The following DGKZ variants were observed in gnomAD, a reference collection of about 807,000 sequenced individuals.
DGKZ encodes diacylglycerol kinase zeta.
A neutral mutation model predicts 142.5 loss-of-function variants in DGKZ; 45 were observed. That is an observed-to-expected ratio of 0.32 (90% CI 0.25 to 0.40). DGKZ has a LOEUF of 0.40. Ranked by LOEUF, DGKZ falls within the 10% of genes least tolerant of loss-of-function variation. DGKZ has a pLI of 1.00. For synonymous variants in DGKZ, 442 were observed against 527.0 expected (o/e 0.84, Z 2.21); for missense variants, 755 against 1,306.5 (o/e 0.58, Z 6.51).
chr11:46,378,726 C>A, intron 27 of DGKZ: 1 of 841,594 alleles, frequency 1.2e-6, no homozygotes, highest in South Asian at 1.4e-5. Flanking sequence ...CCACCTGTCC[C>A]TGGTGCTTAG....
chr11:46,352,301 C>G (rs1309921667), intron 1 of DGKZ, among the ~76,000 whole-genome samples: 1 of 152,228 alleles, frequency 6.6e-6, no homozygotes. Flanking sequence ...TGGAGCGACA[C>G]AAGGGGGCGA....
chr11:46,358,962 G>A lies in DGKZ; in HGVS notation c.162-8329G>A, dbSNP rs560736965. ...GTTTGAGAGCAGCCTGGCCAACATG[G>A]TGAAACCCCATCTCTACTAAAAATA... On this transcript the variant is annotated intron_variant, in intron 1 of 30. Transcript: ENST00000527911. 3.3e-5 allele frequency among the ~76,000 whole-genome samples: 5 copies of A among 151,826 alleles called. No homozygotes were observed. The South Asian group carries it at 1.0e-3, about 32-fold the overall frequency.
intron 1 of DGKZ, among the ~76,000 whole-genome samples, chr11:46,353,385 C>T (rs769557981): frequency 5.9e-5 from 9 of 152,230 alleles, no homozygotes; most frequent in Non-Finnish European, 1.2e-4. Context: ...AGTGAAAGGT[C>T]TTTGCCTCCG....
At chr11:46,334,064 A>G (rs752306734) in intron 1 of DGKZ, among the ~76,000 whole-genome samples, 7 of 151,276 alleles carry the variant, frequency 4.6e-5, no homozygotes, top group Admixed American at 6.6e-5. Flanking sequence ...TCTTAATTCA[A>G]CTGTCTTCTG....
At chr11:46,366,621 T>A in intron 1 of DGKZ, 1 of 1,607,206 alleles carries the variant, frequency 6.2e-7, no homozygotes, top group Non-Finnish European at 8.5e-7. Context: ...GAGGAGGGTG[T>A]CCAGGAGGAT....
At chr11:46,379,735 G>T in intron 30 of DGKZ, 96 bp from the exon 31 acceptor site, 1 of 1,372,852 alleles carries the variant, frequency 7.3e-7, no homozygotes, top group South Asian at 1.4e-5. Flanking sequence ...CTCCCTCCCT[G>T]ACCAGGCCAC....
At chr11:46,363,359 C>T (rs1942890532) in intron 1 of DGKZ, among the ~76,000 whole-genome samples, 1 of 152,220 alleles carries the variant, frequency 6.6e-6, no homozygotes, top group Non-Finnish European at 1.5e-5. Flanking sequence ...CTCAGCCACT[C>T]TGACAGCCTC....
chr11:46,347,889 T>G lies in DGKZ; in HGVS notation c.161+69T>G. The G allele has an allele frequency of 7.9e-7, 1 of 1,265,980 alleles. No homozygotes were observed. 78.4% of individuals were successfully genotyped at this position (1,265,980 alleles called of 1,614,324 possible). A position where few individuals can be genotyped will look rare whatever the true frequency, so the allele number is the denominator to read the frequency against. On this transcript the variant is annotated intron_variant, in intron 1 of 30. Coordinates refer to ENST00000527911, the Ensembl canonical transcript of DGKZ. This position sits in a 1 kb window ranked among gnomAD's most constrained non-coding sequence, Gnocchi z 6.4. Reference sequence around the variant, plus strand: ...TTACCGCTCCCTCACCGGGGGACATTCCTCGGCCACTGGGGGTCCGGGCCA... The same window carrying G: ...TTACCGCTCCCTCACCGGGGGACATGCCTCGGCCACTGGGGGTCCGGGCCA...
chr11:46,358,143 A>G (rs1239654800), intron 1 of DGKZ, among the ~76,000 whole-genome samples: 1 of 152,130 alleles, frequency 6.6e-6, no homozygotes, highest in Non-Finnish European at 1.5e-5. Context: ...TGCTGTGCTG[A>G]TGGCACAAAA....
At chr11:46,346,057 G>A (rs1940579601), upstream of DGKZ, among the ~76,000 whole-genome samples, 1 of 152,158 alleles carries the variant, frequency 6.6e-6, no homozygotes, top group African/African-American at 2.4e-5. Flanking sequence ...GGCACCAGCT[G>A]CTGGCTGGAG....
At chr11:46,337,436 C>A (rs529211021) in intron 1 of DGKZ, among the ~76,000 whole-genome samples, 1 of 151,964 alleles carries the variant, frequency 6.6e-6, no homozygotes, top group South Asian at 2.1e-4. Flanking sequence ...GCTGGGACTA[C>A]AGGCGCCCAC....
upstream of DGKZ, chr11:46,345,482 G>C (rs1940524004): frequency 6.6e-7 from 1 of 1,508,416 alleles, no homozygotes; most frequent in East Asian, 2.7e-5. This position sits in a 1 kb window ranked among gnomAD's most constrained non-coding sequence, Gnocchi z 4.1. Flanking sequence ...CCCAGTGGAG[G>C]CGCTGGGGAC....
chr11:46,370,102 C>A (rs1334239210), intron 6 of DGKZ, 93 bp downstream of exon 6: 2 of 1,505,088 alleles, frequency 1.3e-6, no homozygotes, highest in Non-Finnish European at 1.8e-6. Context: ...ACTGACCACA[C>A]CCTGGTGTGC....
chr11:46,341,599 G>C (rs888129223), intron 1 of DGKZ, among the ~76,000 whole-genome samples: 3 of 152,318 alleles, frequency 2.0e-5, no homozygotes, highest in Admixed American at 6.5e-5. Flanking sequence ...CCCAGAGAGG[G>C]TAATGACTGG....
At chr11:46,337,447 C>A (rs1339260579) in intron 1 of DGKZ, among the ~76,000 whole-genome samples, 1 of 151,914 alleles carries the variant, frequency 6.6e-6, no homozygotes. Context: ...AGGCGCCCAC[C>A]ACCACGCCGG....
intron 19 of DGKZ, 139 bp downstream of exon 19, chr11:46,375,184 G>GCTCTCAA: frequency 1.1e-6 from 1 of 897,862 alleles, no homozygotes; most frequent in Non-Finnish European, 1.6e-6. Flanking sequence ...GCTTGAGAGC[G>GCTCTCAA]GCACCTACCC....
At position 46,372,505 on chromosome 11, in the gene DGKZ, G is replaced by A. The variant is rs770336984; in HGVS notation, c.1005G>A (p.Lys335=). Reference sequence around the variant, plus strand: ...TCGACCTGAGCCAGGGAGGGCCCAAGGAGGCGTAAGTACTTGCCAAGGTTT... The same window carrying A: ...TCGACCTGAGCCAGGGAGGGCCCAAAGAGGCGTAAGTACTTGCCAAGGTTT... Residue 335 remains lysine, a synonymous_variant, in exon 11 of 31, where the codon AAG becomes AAA. Coordinates refer to ENST00000527911, the Ensembl canonical transcript of DGKZ. The surrounding 1 kb of genome is among the most constrained non-coding windows in gnomAD (Gnocchi z 5.9). 26 of 1,614,042 alleles carry A rather than the reference G, an allele frequency of 1.6e-5. No homozygotes were observed. The South Asian group carries it at 2.6e-4, about 16-fold the overall frequency.
upstream of DGKZ, chr11:46,345,491 A>T (rs1430068528): frequency 5.9e-6 from 9 of 1,513,416 alleles, no homozygotes; most frequent in Non-Finnish European, 7.9e-6. The surrounding 1 kb of genome is among the most constrained non-coding windows in gnomAD (Gnocchi z 4.1). Context: ...GGCGCTGGGG[A>T]CGGAAGAAGG....
rs745506909 is a variant in DGKZ, at chr11:46,367,908, T to C, written c.367-94T>C. ...TTGTCCGGATGCCAGGACTGGGGCTTCCCAGTGCACACAAAGGGCAGCTGT... is the reference window on the plus strand; with the variant it reads ...TTGTCCGGATGCCAGGACTGGGGCTCCCCAGTGCACACAAAGGGCAGCTGT... On this transcript the variant is annotated intron_variant, in intron 3 of 30. Transcript: ENST00000527911. The surrounding 1 kb of genome is among the most constrained non-coding windows in gnomAD (Gnocchi z 4.1). 1 of 1,525,258 alleles carries C rather than the reference T, an allele frequency of 6.6e-7. No homozygotes were observed. The highest frequency in any genetic ancestry group is 9.1e-7 in the Non-Finnish European group (1 of 1,100,540). The allele number at this position is 1,525,258 out of a possible 1,614,324, so 94.5% of individuals were successfully genotyped here. A position where few individuals can be genotyped will look rare whatever the true frequency, so the allele number is the denominator to read the frequency against.
Sources: allele counts gnomAD v4.1 joint callset (sites outside exome capture counted in the v4.1 genomes callset), GRCh38; gene constraint gnomAD v4.1.1; non-coding constraint Gnocchi (gnomAD v3.1); transcripts MANE v1.5; gene names NCBI Gene and HGNC (gene_info 2026-07-23, HGNC 2026-07-21).